PLEKHB1: variants seen among roughly 807,000 people sequenced by gnomAD.
PLEKHB1 encodes the protein pleckstrin homology domain containing B1.
A neutral mutation model predicts 36.2 loss-of-function variants in PLEKHB1; 29 were observed. The ratio of observed to expected loss-of-function variants is 0.80; its 90% CI spans 0.60 to 1.09. The LOEUF is 1.09. Ranked by LOEUF, PLEKHB1 falls within the 50% of genes least tolerant of loss-of-function variation. The probability of loss-of-function intolerance (pLI) is 0.00; values close to 1 mark genes in which losing one functional copy is unlikely to be tolerated. For synonymous variants in PLEKHB1, 138 were observed against 140.0 expected (o/e 0.99, Z 0.10); for missense variants, 330 against 348.2 (o/e 0.95, Z 0.42).
rs555963446 is a variant in PLEKHB1 at position 73,650,466 on chromosome 11, C to T, written c.95-87C>T. On this transcript the variant is annotated intron_variant, in intron 2 of 7. Coordinates refer to ENST00000354190, the MANE Select transcript of PLEKHB1 (RefSeq NM_021200.3). Reference sequence around the variant, plus strand: ...GTGGTTGTAACACTAGGGACTGAGGCTGAGGGGACTTGGGAGTCTGTCTGG... The same window carrying T: ...GTGGTTGTAACACTAGGGACTGAGGTTGAGGGGACTTGGGAGTCTGTCTGG... 2.0e-4 allele frequency: 285 copies of T among 1,415,254 alleles called. 1 individual carries two copies. In the African/African-American group the frequency reaches 3.8e-3, roughly 19 times the overall value. 87.7% of individuals were successfully genotyped at this position (1,415,254 alleles called of 1,614,324 possible).
rs534533549 is a variant in PLEKHB1 at position 73,659,085 on chromosome 11, G to A, written c.496-1668G>A. ...CTAAAAATACAGAAAAATTAGCCAG[G>A]CGTGGTGGCAGGAACCTGTAATCTC... is the stretch of plus-strand genomic sequence containing the variant. On this transcript the variant is annotated intron_variant, in intron 6 of 7. Coordinates refer to ENST00000354190, the MANE Select transcript of PLEKHB1 (RefSeq NM_021200.3). 3.3e-5 allele frequency among the ~76,000 whole-genome samples: 5 copies of A among 152,270 alleles called. No individual in the cohort carries two copies. The South Asian group carries it at 8.3e-4, about 25-fold the overall frequency.
chr11:73,650,347 G>A (rs1032653688), intron 2 of PLEKHB1, among the ~76,000 whole-genome samples: 4 of 152,204 alleles, frequency 2.6e-5, no homozygotes, highest in African/African-American at 7.2e-5. Flanking sequence ...CACGTGTATC[G>A]AGCTTCTGCT....
At chr11:73,650,460 C>A in intron 2 of PLEKHB1, 93 bp from the exon 3 acceptor site, 2 of 1,384,116 alleles carry the variant, frequency 1.4e-6, no homozygotes, top group Non-Finnish European at 1.9e-6. Context: ...ACACTAGGGA[C>A]TGAGGCTGAG....
chr11:73,653,108 TCA>T, intron 5 of PLEKHB1, 94 bp downstream of exon 5: 1 of 1,324,524 alleles, frequency 7.5e-7, no homozygotes, highest in Non-Finnish European at 1.1e-6. Context: ...CCAGAAGTTC[TCA>T]GTCTTATGTG....
At chr11:73,655,937 C>A in intron 6 of PLEKHB1, 30 bp downstream of exon 6, 2 of 1,588,354 alleles carry the variant, frequency 1.3e-6, no homozygotes, top group African/African-American at 1.3e-5. Flanking sequence ...TCCCTGCCTC[C>A]ATACTGGCCA....
At chr11:73,652,698 T>C in intron 4 of PLEKHB1, 1 of 372,172 alleles carries the variant, frequency 2.7e-6, no homozygotes, top group Non-Finnish European at 4.8e-6. Flanking sequence ...TGACATCCCC[T>C]GAGAGACCAC....
At chr11:73,647,695 T>C (rs1356964441) in intron 1 of PLEKHB1, 3 of 985,242 alleles carry the variant, frequency 3.0e-6, no homozygotes, top group Admixed American at 6.2e-5. Context: ...CAGCATCGAG[T>C]AGCGGCCGCT....
Position 73,651,853 on chromosome 11 carries a change from C to T in PLEKHB1, c.313C>T (p.Arg105Cys), listed in dbSNP as rs746808381. 9 of 1,613,580 alleles carry T rather than the reference C, an allele frequency of 5.6e-6. No individual in the cohort carries two copies. The highest frequency in any genetic ancestry group is 4.5e-5 in the East Asian group (2 of 44,882). The change falls in exon 4 of 8, where the codon CGC (arginine) becomes TGC (cysteine). Residue 105 changes from arginine to cysteine, a missense_variant. Physicochemically the swap from Arg to Cys is radical, Grantham distance 180. Transcript: ENST00000354190. ...LLTVNLREGGRLHLCAETKDD... is the reference protein window; with the variant it reads ...LLTVNLREGGCLHLCAETKDD... ...GACTGTGAACCTACGGGAAGGCGGC[C>T]GCCTGCACCTCTGTGCGGAGACCAA...
At chr11:73,654,812 G>A (rs768211643) in intron 5 of PLEKHB1, among the ~76,000 whole-genome samples, 6 of 152,154 alleles carry the variant, frequency 3.9e-5, no homozygotes, top group Non-Finnish European at 8.8e-5. Flanking sequence ...TGAGGTCATC[G>A]GGGCCAGCTC....
chr11:73,652,952 G>A, intron 4 of PLEKHB1, 23 bp from the exon 5 acceptor site: 4 of 1,600,692 alleles, frequency 2.5e-6, no homozygotes, highest in Non-Finnish European at 3.4e-6. Context: ...CCTCCTCATG[G>A]TCTGGTGGGA....
intron 6 of PLEKHB1, among the ~76,000 whole-genome samples, chr11:73,659,498 C>A (rs1945061532): frequency 6.6e-6 from 1 of 152,176 alleles, no homozygotes; most frequent in Non-Finnish European, 1.5e-5. Flanking sequence ...GCACATAGTT[C>A]TTGGTTCCTG....
At position 73,655,796 on chromosome 11, in the gene PLEKHB1, T is replaced by C. The variant is rs1436110564; in HGVS notation, c.391-7T>C. The C allele has an allele frequency of 6.2e-7, 1 of 1,613,204 alleles. No homozygotes were observed. The highest frequency in any genetic ancestry group is 8.5e-7 in the Non-Finnish European group (1 of 1,179,738). On this transcript the variant is annotated splice_region_variant and splice_polypyrimidine_tract_variant and intron_variant, in intron 5 of 7. Transcript: ENST00000354190. Reference sequence around the variant, plus strand: ...TCCTCCTTCTTGGGTTTCTGTGGCTTGAGCAGGCCCCAGCTGGAGCCACCG... The same window carrying C: ...TCCTCCTTCTTGGGTTTCTGTGGCTCGAGCAGGCCCCAGCTGGAGCCACCG...
In PLEKHB1 at chr11:73,655,853, G is replaced by A. The variant is rs760714126; in HGVS notation, c.441G>A (p.Lys147=). 2.5e-6 allele frequency: 4 copies of A among 1,613,832 alleles called. No individual in the cohort carries two copies. The highest frequency in any genetic ancestry group is 1.3e-5 in the African/African-American group (1 of 75,020). The change falls in exon 6 of 8, where the codon AAG becomes AAA. Residue 147 remains lysine (K), a synonymous_variant. Coordinates refer to ENST00000354190, the MANE Select transcript of PLEKHB1 (RefSeq NM_021200.3). ...CCAGGAGCCGCCGGGTTTGCTCCAAGGTCAGGTGTGTGACCCGCTCGTGGA... is the reference window on the plus strand; with the variant it reads ...CCAGGAGCCGCCGGGTTTGCTCCAAAGTCAGGTGTGTGACCCGCTCGTGGA... The part of the protein sequence containing the change: ...VPPRSRRVCS[K]VRCVTRSWSP...
intron 1 of PLEKHB1, chr11:73,648,629 T>C (rs749132345): frequency 8.9e-6 from 9 of 1,006,078 alleles, no homozygotes; most frequent in Non-Finnish European, 1.1e-5. Context: ...ACTGAGCTAG[T>C]CAGGCATATT....
In PLEKHB1 at chr11:73,651,284, G is replaced by A. The variant is rs543823048; in HGVS notation, c.248-504G>A. 5.9e-4 allele frequency: 223 copies of A among 380,008 alleles called. 1 individual carries two copies. The highest frequency in any genetic ancestry group is 4.2e-3 in the African/African-American group (198 of 46,828). 23.5% of individuals were successfully genotyped at this position (380,008 alleles called of 1,614,324 possible). A position where few individuals can be genotyped will look rare whatever the true frequency, so the allele number is the denominator to read the frequency against. ...AGGTGGGAGGATTGCTTGAGCCTGG[G>A]AGGCAGAGGTTGCAGTGAGTGTTCA... is the stretch of plus-strand genomic sequence containing the variant. On this transcript the variant is annotated intron_variant, in intron 3 of 7. Coordinates refer to ENST00000354190, the MANE Select transcript of PLEKHB1 (RefSeq NM_021200.3).
At position 73,661,815 on chromosome 11, in the gene PLEKHB1, C is replaced by T; in HGVS notation, c.*213C>T. ...AGGTACAAACATCGCTTGAAGTCTT[C>T]ACATCTACCACTAGACACCCCCAAA... On this transcript the variant is annotated 3_prime_UTR_variant, in exon 8 of 8. Transcript: ENST00000354190. This position sits in a 1 kb window ranked among gnomAD's most constrained non-coding sequence, Gnocchi z 4.6. 1 of 572,670 alleles carries T rather than the reference C, an allele frequency of 1.7e-6. No individual in the cohort carries two copies. Among genetic ancestry groups the T allele is most frequent in the Non-Finnish European group, 2.9e-6 (1 of 343,284 alleles). The allele number at this position is 572,670 out of a possible 1,614,324, so 35.5% of individuals were successfully genotyped here.
rs1021650999 is a variant in PLEKHB1, at chr11:73,660,675, C to T, written c.496-78C>T. The T allele has an allele frequency of 3.7e-6, 5 of 1,365,390 alleles. No individual in the cohort carries two copies. The South Asian group carries it at 6.5e-5, about 18-fold the overall frequency. The allele number at this position is 1,365,390 out of a possible 1,614,324, so 84.6% of individuals were successfully genotyped here. Reference sequence around the variant, plus strand: ...GGTGGCTCCATGGATCCCAGAGAGGCCTGTGCCAGGCGTGGGGGTAGGGGA... The same window carrying T: ...GGTGGCTCCATGGATCCCAGAGAGGTCTGTGCCAGGCGTGGGGGTAGGGGA... On this transcript the variant is annotated intron_variant, in intron 6 of 7. Transcript: ENST00000354190.
In PLEKHB1 at chr11:73,660,872, C is replaced by T. The variant is rs768293597; in HGVS notation, c.595+20C>T. On this transcript the variant is annotated intron_variant, in intron 7 of 7. Transcript: ENST00000354190. ...ACGCAGGTAAGTCTCCAGCGTGCCCCGGGGCTTGCCTCGATCCAGCACCGA... is the reference window on the plus strand; with the variant it reads ...ACGCAGGTAAGTCTCCAGCGTGCCCTGGGGCTTGCCTCGATCCAGCACCGA... 6.4e-7 allele frequency: 1 copy of T among 1,563,246 alleles called. No individual in the cohort carries two copies. Among genetic ancestry groups the T allele is most frequent in the Non-Finnish European group, 8.7e-7 (1 of 1,154,348 alleles).
At position 73,646,825 on chromosome 11, in the gene PLEKHB1, A is replaced by C. The variant is rs114442142; in HGVS notation, c.18+199A>C. Among the ~76,000 whole-genome samples the C allele has an allele frequency of 1.9e-3, 286 of 152,208 alleles. 1 individual carries two copies. Among genetic ancestry groups the C allele is most frequent in the African/African-American group, 6.5e-3 (268 of 41,514 alleles). Reference sequence around the variant, plus strand: ...TCACAGTCCGAGGTGATAGATACAGAAAGTCTTCCTTTCTCCAGGTGGGCT... The same window carrying C: ...TCACAGTCCGAGGTGATAGATACAGCAAGTCTTCCTTTCTCCAGGTGGGCT... On this transcript the variant is annotated intron_variant, in intron 1 of 7. Coordinates refer to ENST00000354190, the MANE Select transcript of PLEKHB1 (RefSeq NM_021200.3).
Sources: gnomAD v4.1 joint callset for allele counts (sites outside exome capture counted in the v4.1 genomes callset) on GRCh38, gnomAD v4.1.1 for gene constraint, Gnocchi (gnomAD v3.1) non-coding constraint, MANE v1.5 for transcripts, NCBI Gene and HGNC (gene_info 2026-07-23, HGNC 2026-07-21) for gene names.